Variants in ZGRF1 observed in about 807,000 individuals in gnomAD.
The protein encoded by ZGRF1 is 5'-3' DNA helicase ZGRF1.
A neutral mutation model predicts 203.5 loss-of-function variants in ZGRF1; 196 were observed. The ratio of observed to expected loss-of-function variants is 0.96; its 90% CI spans 0.86 to 1.08. The LOEUF (loss-of-function observed/expected upper bound fraction) is 1.08. ZGRF1 is among the 50% of genes least tolerant of loss of function. The pLI is 0.00. For missense variants in ZGRF1, 2,326 were observed against 2,416.3 expected (o/e 0.96, Z 0.78); for synonymous variants, 809 against 841.3 (o/e 0.96, Z 0.66).
intron 24 of ZGRF1, among the ~76,000 whole-genome samples, chr4:112,544,008 TTTTAG>T (rs1214374573): frequency 6.6e-6 from 1 of 151,836 alleles, no homozygotes; most frequent in Non-Finnish European, 1.5e-5. Flanking sequence ...GATAATTTTT[TTTTAG>T]TTAAGATTTT....
chr4:112,605,669 T>C (rs1476599130), intron 9 of ZGRF1: 2 of 225,228 alleles, frequency 8.9e-6, no homozygotes, highest in African/African-American at 4.7e-5. Context: ...TAGACTATAA[T>C]AAGTTAAAGG....
chr4:112,592,615 C>A (rs1392984009), intron 10 of ZGRF1, among the ~76,000 whole-genome samples: 3 of 152,150 alleles, frequency 2.0e-5, no homozygotes, highest in African/African-American at 7.2e-5. Flanking sequence ...TTTAAATGAA[C>A]CCATCCACTC....
intron 11 of ZGRF1, among the ~76,000 whole-genome samples, chr4:112,589,241 A>G (rs1747737432): frequency 6.6e-6 from 1 of 152,162 alleles, no homozygotes; most frequent in South Asian, 2.1e-4. Flanking sequence ...GCTGACTCAT[A>G]GTGAAGGGCC....
At position 112,587,204 on chromosome 4, in the gene ZGRF1, T is replaced by C. The variant is rs1038340258; in HGVS notation, c.3777+76A>G. ...GTCCAAATTGCTCCTATGCAGTATA[T>C]TTTGGTAATTCTTTTGTTGAAATTC... On this transcript the variant is annotated intron_variant, in intron 12 of 27. Transcript: ENST00000505019. 4 of 1,393,566 alleles carry C rather than the reference T, an allele frequency of 2.9e-6. No homozygotes were observed. In the African/African-American group the frequency reaches 5.7e-5, roughly 20 times the overall value. 86.3% of individuals were successfully genotyped at this position (1,393,566 alleles called of 1,614,324 possible). A position where few individuals can be genotyped will look rare whatever the true frequency, so the allele number is the denominator to read the frequency against.
chr4:112,565,017 A>G, intron 16 of ZGRF1: 1 of 963,864 alleles, frequency 1.0e-6, no homozygotes, highest in Non-Finnish European at 1.7e-6. Context: ...CTGCCCACAA[A>G]TCAACCGGTG....
chr4:112,624,660 G>A (rs2047171417), intron 3 of ZGRF1, among the ~76,000 whole-genome samples: 1 of 151,330 alleles, frequency 6.6e-6, no homozygotes, highest in African/African-American at 2.5e-5. Flanking sequence ...AATGTGAGGG[G>A]TAAGGGGGGA....
intron 10 of ZGRF1, among the ~76,000 whole-genome samples, chr4:112,601,449 C>A (rs1046704346): frequency 3.3e-5 from 5 of 151,940 alleles, no homozygotes; most frequent in African/African-American, 1.2e-4. Context: ...TGGCGCATGT[C>A]TGTAATCCCA....
At chr4:112,636,117 G>T (rs1412274660) in intron 1 of ZGRF1, among the ~76,000 whole-genome samples, 3 of 152,152 alleles carry the variant, frequency 2.0e-5, no homozygotes, top group Non-Finnish European at 4.4e-5. Context: ...GATGCAAAGA[G>T]TTTTTTCCAA....
At chr4:112,611,036 G>GAA in intron 7 of ZGRF1, 1 of 184,054 alleles carries the variant, frequency 5.4e-6, no homozygotes, top group Non-Finnish European at 1.1e-5. Context: ...TTAGAAAAAA[G>GAA]AAAAAAAAAT....
chr4:112,612,519 T>C lies in ZGRF1; in HGVS notation c.2667+5A>G. On this transcript the variant is annotated splice_donor_5th_base_variant and intron_variant, in intron 7 of 27. Transcript: ENST00000505019. ...AAAACATACTCTTAGAAAAAAAACC[T>C]GTACCTGTTGAGAATCCTTGTGCAG... The C allele has an allele frequency of 6.3e-7, 1 of 1,579,426 alleles. No individual in the cohort carries two copies. The highest frequency in any genetic ancestry group is 8.6e-7 in the Non-Finnish European group (1 of 1,156,114).
rs1395174449 is a variant in ZGRF1 at position 112,586,490 on chromosome 4, G to GA, written c.3870dup (p.Gln1291SerfsTer7). ...GTCTGCTTATAATGAGCAGGAGACTGAAAAACAGCTGGTATGTGAATTTGC... is the reference window on the plus strand; with the variant it reads ...GTCTGCTTATAATGAGCAGGAGACTGAAAAAACAGCTGGTATGTGAATTTGC... On this transcript the variant is annotated frameshift_variant, in exon 13 of 28. Coordinates refer to ENST00000505019, the MANE Select transcript of ZGRF1 (RefSeq NM_018392.5). LOFTEE classifies it high-confidence loss of function. 1.9e-6 allele frequency: 3 copies of GA among 1,612,988 alleles called. No homozygotes were observed. In the Admixed American group the frequency reaches 5.0e-5, roughly 27 times the overall value.
chr4:112,541,002 G>A, intron 25 of ZGRF1, 47 bp from the exon 26 acceptor site: 6 of 1,549,282 alleles, frequency 3.9e-6, no homozygotes, highest in Non-Finnish European at 5.2e-6. Context: ...GAAAGGCTAT[G>A]GAAAAACCAA....
chr4:112,635,296 C>T (rs1055189342), intron 1 of ZGRF1, among the ~76,000 whole-genome samples: 1 of 152,054 alleles, frequency 6.6e-6, no homozygotes, highest in Non-Finnish European at 1.5e-5. Flanking sequence ...ATGGTACAGA[C>T]ACAGTGCTGG....
In ZGRF1 at chr4:112,631,921, T is replaced by C. The variant is rs368585472; in HGVS notation, c.102+9A>G. ...TCTTGCACCCTATAGTCAACTGCTT[T>C]GTACTCACTTTGTTTCCTAAGTGAG... On this transcript the variant is annotated intron_variant, in intron 3 of 27. Transcript: ENST00000505019. The C allele has an allele frequency of 3.2e-5, 49 of 1,551,762 alleles. No individual in the cohort carries two copies. The highest frequency in any genetic ancestry group is 3.8e-5 in the Admixed American group (2 of 52,738).
chr4:112,592,814 A>T (rs532034821), intron 10 of ZGRF1, among the ~76,000 whole-genome samples: 2 of 152,230 alleles, frequency 1.3e-5, no homozygotes, highest in African/African-American at 4.8e-5. Context: ...CAAAAAATGT[A>T]TATGTTGAAG....
In ZGRF1 at chr4:112,584,094, T is replaced by C; in HGVS notation, c.4182A>G (p.Gly1394=). ...FFKWLEDVTP[G]YSTQEGARPG... is the part of the protein sequence containing the mutation. ...GTCGAGCTCCTTCCTGTGTTGAATA[T>C]CCTGGAGTCACGTCCTCAAGCCATT... is the stretch of plus-strand genomic sequence containing the variant. Residue 1394 remains glycine, a synonymous_variant, in exon 15 of 28, where the codon GGA becomes GGG. Transcript: ENST00000505019. The C allele has an allele frequency of 6.2e-7, 1 of 1,613,550 alleles. No homozygotes were observed.
At position 112,565,010 on chromosome 4, in the gene ZGRF1, C is replaced by T. The variant is rs557588980; in HGVS notation, c.4439-1736G>A. ...ACCATGGCTCGTACAAGGCAGACTG[C>T]CCACAAATCAACCGGTGGTAAACCA... On this transcript the variant is annotated intron_variant, in intron 16 of 27. Coordinates refer to ENST00000505019, the MANE Select transcript of ZGRF1 (RefSeq NM_018392.5). 2.5e-4 allele frequency: 230 copies of T among 936,544 alleles called. No individual in the cohort carries two copies. In the African/African-American group the frequency reaches 3.3e-3, roughly 14 times the overall value. 58.0% of individuals were successfully genotyped at this position (936,544 alleles called of 1,614,324 possible).
rs944609869 is a variant in ZGRF1 at position 112,612,409 on chromosome 4, C to G, written c.2667+115G>C. 5 of 621,948 alleles carry G rather than the reference C, an allele frequency of 8.0e-6. No individual in the cohort carries two copies. In the African/African-American group the frequency reaches 9.3e-5, roughly 12 times the overall value. 38.5% of individuals were successfully genotyped at this position (621,948 alleles called of 1,614,324 possible). A position where few individuals can be genotyped will look rare whatever the true frequency, so the allele number is the denominator to read the frequency against. ...AAGGCAATGAAAAATTACTGAGATA[C>G]AGCAGGAGTCATGAACCAAGATAGC... On this transcript the variant is annotated intron_variant, in intron 7 of 27. Coordinates refer to ENST00000505019, the MANE Select transcript of ZGRF1 (RefSeq NM_018392.5).
rs532179657 is a variant in ZGRF1, at chr4:112,539,557, G to T, written c.6305C>A (p.Ser2102Tyr). 7.9e-5 allele frequency: 109 copies of T among 1,372,336 alleles called. 1 individual carries two copies. Among genetic ancestry groups the T allele is most frequent in the Non-Finnish European group, 7.1e-6 (7 of 987,518 alleles). 85.0% of individuals were successfully genotyped at this position (1,372,336 alleles called of 1,614,324 possible). ...KSEKEKSKDK[S>Y]HS ...TTACACCATGTCTTTTTATGAATGA[G>T]ATTTATCTTTAGATTTCTCTTTTTC... Residue 2102 changes from serine to tyrosine, a missense_variant, in exon 28 of 28, where the codon TCT becomes TAT. Ser to Tyr is a moderately radical substitution (Grantham distance 144, BLOSUM62 -2). Coordinates refer to ENST00000505019, the MANE Select transcript of ZGRF1 (RefSeq NM_018392.5).
Sources: gnomAD v4.1 joint callset for allele counts (sites outside exome capture counted in the v4.1 genomes callset) on GRCh38, gnomAD v4.1.1 for gene constraint, MANE v1.5 for transcripts, NCBI Gene and HGNC (gene_info 2026-07-23, HGNC 2026-07-21) for gene names.